Variants in RNF20 observed in about 807,000 individuals in gnomAD.
The protein encoded by RNF20 is E3 ubiquitin-protein ligase BRE1A.
Under a neutral mutation model 126.2 loss-of-function variants are expected in RNF20, and 84 were observed. The observed-to-expected ratio is 0.67, with a 90% CI of 0.56 to 0.80. The LOEUF is 0.80. Ranked by LOEUF, RNF20 falls within the 30% of genes least tolerant of loss-of-function variation. RNF20 has a pLI of 0.00. For missense variants in RNF20, 869 were observed against 1,188.2 expected (o/e 0.73, Z 3.95); for synonymous variants, 400 against 414.3 (o/e 0.97, Z 0.42).
intron 13 of RNF20, among the ~76,000 whole-genome samples, chr9:101,553,083 T>G (rs903085025): frequency 2.6e-5 from 4 of 152,228 alleles, no homozygotes; most frequent in Admixed American, 2.0e-4. Flanking sequence ...TTGAGCAGAT[T>G]GCTGGCGTTA....
chr9:101,533,860 G>C lies in RNF20; in HGVS notation c.-81G>C, dbSNP rs1471205316. On this transcript the variant is annotated 5_prime_UTR_variant, in exon 1 of 20. Transcript: ENST00000389120. ...CGTGGCCCCGCCTCCCGGAAGTTCTGCCTTGTCTCCGCCGCGGGTCAGGGG... is the reference window on the plus strand; with the variant it reads ...CGTGGCCCCGCCTCCCGGAAGTTCTCCCTTGTCTCCGCCGCGGGTCAGGGG... 6.6e-6 allele frequency: 1 copy of C among 152,608 alleles called. No homozygotes were observed. The highest frequency in any genetic ancestry group is 1.5e-5 in the Non-Finnish European group (1 of 68,442). 9.5% of individuals were successfully genotyped at this position (152,608 alleles called of 1,614,324 possible). A position where few individuals can be genotyped will look rare whatever the true frequency, so the allele number is the denominator to read the frequency against.
chr9:101,542,075 A>G (rs749484738), intron 5 of RNF20, among the ~76,000 whole-genome samples: 17 of 152,198 alleles, frequency 1.1e-4, no homozygotes, highest in South Asian at 8.3e-4. Context: ...TCTGAAGGAA[A>G]TAAGTTGAAT....
At chr9:101,538,480 G>A (rs1827217448) in intron 2 of RNF20, among the ~76,000 whole-genome samples, 1 of 152,084 alleles carries the variant, frequency 6.6e-6, no homozygotes, top group Admixed American at 6.5e-5. Flanking sequence ...TTTTAGGGAG[G>A]AAGGTGGGGT....
intron 1 of RNF20, chr9:101,534,374 CT>C (rs1260792650): frequency 6.6e-6 from 1 of 152,186 alleles, no homozygotes; most frequent in Non-Finnish European, 1.5e-5. Flanking sequence ...GGCGAATTCA[CT>C]GTTTCAAAGC....
chr9:101,535,264 GGA>G, intron 1 of RNF20, 132 bp from the exon 2 acceptor site: 1 of 530,476 alleles, frequency 1.9e-6, no homozygotes, highest in Non-Finnish European at 3.1e-6. Flanking sequence ...AGAGAAATAT[GGA>G]GATGGTTGTG....
chr9:101,547,540 G>A (rs1268829900), intron 9 of RNF20, 22 bp downstream of exon 9: 1 of 1,613,210 alleles, frequency 6.2e-7, no homozygotes, highest in South Asian at 1.1e-5. Context: ...TCCCTGAAGG[G>A]CAGTAAAATC....
intron 5 of RNF20, 143 bp from the exon 6 acceptor site, chr9:101,544,624 T>C: frequency 1.8e-6 from 1 of 561,830 alleles, no homozygotes; most frequent in Non-Finnish European, 3.2e-6. Flanking sequence ...GAGAATCGGC[T>C]CGAACCCTGG....
Position 101,550,709 on chromosome 9 carries a change from A to G in RNF20, c.1196A>G (p.Lys399Arg), listed in dbSNP as rs1279115463. 6.2e-7 allele frequency: 1 copy of G among 1,614,162 alleles called. No individual in the cohort carries two copies. The highest frequency in any genetic ancestry group is 1.7e-5 in the Admixed American group (1 of 60,026). Residue 399 changes from lysine (K) to arginine (R), a missense_variant, in exon 10 of 20, where the codon AAA becomes AGA. This residue lies in a region of RNF20 where 153 missense variants were observed against 226.4 expected (regional missense o/e 0.68). Transcript: ENST00000389120. ...TTGTATAATGAGAGCCTACAGTTGAAAGCACACTTGGATGAGGCTCGGACC... is the reference window on the plus strand; with the variant it reads ...TTGTATAATGAGAGCCTACAGTTGAGAGCACACTTGGATGAGGCTCGGACC... Reference protein sequence around the residue: ...SVLYNESLQLKAHLDEARTLL... With the variant: ...SVLYNESLQLRAHLDEARTLL...
intron 2 of RNF20, among the ~76,000 whole-genome samples, chr9:101,539,590 CGTG>C (rs1827229385): frequency 6.6e-6 from 1 of 152,108 alleles, no homozygotes; most frequent in South Asian, 2.1e-4. Context: ...CCTGGAAAGA[CGTG>C]GTGTTTTTCA....
chr9:101,553,463 A>T (rs1827481557), intron 13 of RNF20, among the ~76,000 whole-genome samples: 2 of 152,204 alleles, frequency 1.3e-5, no homozygotes, highest in Non-Finnish European at 2.9e-5. Context: ...ATTTAATAAG[A>T]GGTGAAGTTT....
At chr9:101,546,749 G>A in intron 6 of RNF20, 71 bp from the exon 7 acceptor site, 2 of 1,512,414 alleles carry the variant, frequency 1.3e-6, no homozygotes, top group Non-Finnish European at 1.8e-6. Context: ...TTACTCATAA[G>A]CAAGGGTTAA....
chr9:101,560,809 CCAGCTA>C lies in RNF20; in HGVS notation c.2395_2400del (p.Leu799_Gln800del). ...TGATTTTCTGTTCAAAGGTTGATGC[CCAGCTA>C]CAGGTAGTAAGGAAACTGGAAGAGA... On this transcript the variant is annotated inframe_deletion, in exon 17 of 20. Coordinates refer to ENST00000389120, the MANE Select transcript of RNF20 (RefSeq NM_019592.7). 6.2e-7 allele frequency: 1 copy of C among 1,607,244 alleles called. No homozygotes were observed. The highest frequency in any genetic ancestry group is 1.1e-5 in the South Asian group (1 of 89,538).
At chr9:101,539,602 C>T (rs533338051) in intron 2 of RNF20, among the ~76,000 whole-genome samples, 5 of 152,164 alleles carry the variant, frequency 3.3e-5, no homozygotes, top group African/African-American at 9.6e-5. Flanking sequence ...TGGTGTTTTT[C>T]AGGGAATGGG....
chr9:101,536,944 C>T (rs1827194853), intron 2 of RNF20, among the ~76,000 whole-genome samples: 1 of 152,230 alleles, frequency 6.6e-6, no homozygotes, highest in South Asian at 2.1e-4. Flanking sequence ...GCTATAACTG[C>T]ATCTCTCCAA....
intron 11 of RNF20, 129 bp downstream of exon 11, chr9:101,551,948 C>A: frequency 7.7e-7 from 1 of 1,292,016 alleles, no homozygotes; most frequent in Non-Finnish European, 1.1e-6. Context: ...TCCTATAATT[C>A]ATTTTGGTTC....
At chr9:101,543,366 T>TTCCA (rs1827287811) in intron 5 of RNF20, among the ~76,000 whole-genome samples, 4 of 148,312 alleles carry the variant, frequency 2.7e-5, no homozygotes, top group Admixed American at 1.3e-4. Context: ...TGTCTAACCC[T>TTCCA]GCCAGGGCGG....
In RNF20 at chr9:101,552,485, T is replaced by G. The variant is rs772802868; in HGVS notation, c.1633T>G (p.Ser545Ala). ...ELKPDSEDLS[S>A]QSSASKASQE... ...AAAACCAGATTCTGAGGACTTATCCTCCCAGTCCTCAGCTTCAAAGGCATC... is the reference window on the plus strand; with the variant it reads ...AAAACCAGATTCTGAGGACTTATCCGCCCAGTCCTCAGCTTCAAAGGCATC... Residue 545 changes from serine to alanine, a missense_variant, in exon 13 of 20, where the codon TCC becomes GCC. By Grantham distance (99) the Ser-to-Ala change is moderately conservative (BLOSUM62 1). This residue lies in a region of RNF20 where 231 missense variants were observed against 263.6 expected (regional missense o/e 0.88). Transcript: ENST00000389120. 1.9e-6 allele frequency: 3 copies of G among 1,613,986 alleles called. No individual in the cohort carries two copies. The highest frequency in any genetic ancestry group is 2.5e-6 in the Non-Finnish European group (3 of 1,179,930).
intron 2 of RNF20, 95 bp downstream of exon 2, chr9:101,535,647 C>T (rs917264095): frequency 1.5e-6 from 2 of 1,368,872 alleles, no homozygotes; most frequent in Non-Finnish European, 2.0e-6. Flanking sequence ...TATGGGGAAG[C>T]TATTTGAAAA....
chr9:101,542,415 T>C (rs1827274505), intron 5 of RNF20, among the ~76,000 whole-genome samples: 2 of 152,226 alleles, frequency 1.3e-5, no homozygotes, highest in Non-Finnish European at 2.9e-5. Flanking sequence ...TGTATTAATA[T>C]CTTACATCTA....
Sources: gnomAD v4.1 joint callset for allele counts (sites outside exome capture counted in the v4.1 genomes callset) on GRCh38, gnomAD v4.1.1 for gene constraint, gnomAD v4.1.1 regional missense constraint, MANE v1.5 for transcripts, NCBI Gene and HGNC (gene_info 2026-07-23, HGNC 2026-07-21) for gene names.